Variants in CADPS observed in about 807,000 individuals in gnomAD.
The protein encoded by CADPS is calcium-dependent secretion activator 1.
Under a neutral mutation model 167.3 loss-of-function variants are expected in CADPS, and 57 were observed. The observed-to-expected ratio is 0.34, with a 90% CI of 0.28 to 0.42. The LOEUF (loss-of-function observed/expected upper bound fraction) is 0.42, where lower values mean the gene tolerates loss of function less well. Ranked by LOEUF, CADPS falls within the 20% of genes least tolerant of loss-of-function variation. The probability of loss-of-function intolerance (pLI) is 1.00; values close to 1 mark genes in which losing one functional copy is unlikely to be tolerated. For missense variants in CADPS, 1,414 were observed against 1,738.1 expected (o/e 0.81, Z 3.32); for synonymous variants, 676 against 635.3 (o/e 1.06, Z -0.96).
intron 1 of CADPS, among the ~76,000 whole-genome samples, chr3:62,767,070 T>C (rs2087075703): frequency 6.6e-6 from 1 of 152,178 alleles, no homozygotes. Flanking sequence ...CTAATTTATA[T>C]AAAATATGTA....
intron 8 of CADPS, among the ~76,000 whole-genome samples, chr3:62,577,750 C>T (rs80256969): frequency 0.027 from 4,151 of 152,240 alleles, 101 homozygotes; most frequent in South Asian, 0.048. Flanking sequence ...TTCTGCTTTA[C>T]GTTGAGCAAA....
chr3:62,728,874 C>G (rs2077225829), intron 3 of CADPS, among the ~76,000 whole-genome samples: 1 of 151,850 alleles, frequency 6.6e-6, no homozygotes, highest in African/African-American at 2.4e-5. Context: ...CTTGTGTCCA[C>G]TAGGGTGGAT....
chr3:62,568,695 T>C (rs556954410), intron 9 of CADPS, among the ~76,000 whole-genome samples: 313 of 152,320 alleles, frequency 2.1e-3, no homozygotes, highest in Non-Finnish European at 3.6e-3. Context: ...TGTAATCATG[T>C]GAGCCAGTTC....
At chr3:62,571,950 C>T (rs908100131) in intron 8 of CADPS, among the ~76,000 whole-genome samples, 6 of 152,110 alleles carry the variant, frequency 3.9e-5, no homozygotes, top group Non-Finnish European at 8.8e-5. Flanking sequence ...TCTAGGAATC[C>T]AGGCCTGGCA....
In CADPS at chr3:62,761,359, AAAAAC is replaced by A. The variant is rs373621242; in HGVS notation, c.555+4507_555+4511del. Among the ~76,000 whole-genome samples the A allele has an allele frequency of 3.3e-3, 496 of 152,144 alleles. 5 individuals carry two copies. The South Asian group carries it at 0.034, about 10-fold the overall frequency. Reference sequence around the variant, plus strand: ...ACAAAAATGAACTAGGCATTTATTAAAAAACAAAACCAAAACAATACAAACAAACA... The same window carrying A: ...ACAAAAATGAACTAGGCATTTATTAAAAAACCAAAACAATACAAACAAACA... On this transcript the variant is annotated intron_variant, in intron 2 of 29. Coordinates refer to ENST00000383710, the MANE Select transcript of CADPS (RefSeq NM_003716.4).
chr3:62,551,499 C>A (rs1009743040), intron 10 of CADPS, among the ~76,000 whole-genome samples: 1 of 152,200 alleles, frequency 6.6e-6, no homozygotes, highest in Non-Finnish European at 1.5e-5. Context: ...TTGATGCTCA[C>A]AAGGCAGCCA....
At chr3:62,768,982 C>T (rs535256340) in intron 1 of CADPS, among the ~76,000 whole-genome samples, 2 of 152,252 alleles carry the variant, frequency 1.3e-5, no homozygotes, top group South Asian at 2.1e-4. Flanking sequence ...TACTGGTTTA[C>T]AATTCACTAC....
chr3:62,557,264 G>A, intron 10 of CADPS, 141 bp downstream of exon 10: 1 of 636,874 alleles, frequency 1.6e-6, no homozygotes, highest in East Asian at 2.6e-5. Context: ...CAGGGATTGT[G>A]ACTGTCATGC....
chr3:62,829,564 C>T (rs1211896303), intron 1 of CADPS, among the ~76,000 whole-genome samples: 2 of 152,086 alleles, frequency 1.3e-5, no homozygotes, highest in Non-Finnish European at 2.9e-5. Context: ...CAACGCACAG[C>T]ATTTGTCTAC....
intron 3 of CADPS, among the ~76,000 whole-genome samples, chr3:62,732,481 G>A (rs1250166692): frequency 6.6e-6 from 1 of 152,164 alleles, no homozygotes; most frequent in Non-Finnish European, 1.5e-5. Context: ...GAGAGACCCT[G>A]AAGAAGTGGA....
At chr3:62,723,794 G>A (rs531307509) in intron 3 of CADPS, among the ~76,000 whole-genome samples, 36 of 152,340 alleles carry the variant, frequency 2.4e-4, no homozygotes, top group African/African-American at 8.7e-4. Context: ...CTCCCTGCAC[G>A]CTGACACTTT....
At chr3:62,611,934 G>T (rs2061560384) in intron 6 of CADPS, among the ~76,000 whole-genome samples, 1 of 152,070 alleles carries the variant, frequency 6.6e-6, no homozygotes, top group South Asian at 2.1e-4. Flanking sequence ...GTTTTTGTTT[G>T]CTTATTGCCT....
At chr3:62,802,904 A>G (rs1205454159) in intron 1 of CADPS, among the ~76,000 whole-genome samples, 3 of 152,114 alleles carry the variant, frequency 2.0e-5, no homozygotes, top group Non-Finnish European at 2.9e-5. Context: ...TGTGTCCCCA[A>G]ATAGGTCATT....
intron 3 of CADPS, among the ~76,000 whole-genome samples, chr3:62,679,808 G>A (rs978187017): frequency 1.3e-5 from 2 of 152,110 alleles, no homozygotes; most frequent in Admixed American, 6.5e-5. Context: ...TTTTGAAAGC[G>A]ACTGGAAAGC....
intron 9 of CADPS, among the ~76,000 whole-genome samples, chr3:62,561,443 G>A (rs1286076958): frequency 6.7e-6 from 1 of 149,574 alleles, no homozygotes; most frequent in African/African-American, 2.5e-5. Context: ...TAATTTTTTG[G>A]TAGAGATGGT....
chr3:62,721,604 A>G (rs763057525), intron 3 of CADPS, among the ~76,000 whole-genome samples: 2 of 152,194 alleles, frequency 1.3e-5, no homozygotes, highest in Non-Finnish European at 2.9e-5. Context: ...CAACATTGTC[A>G]GTATCTAGTT....
At chr3:62,406,747 G>A (rs779826439) in intron 28 of CADPS, among the ~76,000 whole-genome samples, 2 of 152,200 alleles carry the variant, frequency 1.3e-5, no homozygotes, top group South Asian at 4.1e-4. Flanking sequence ...TTCTGTGAAG[G>A]TTTTGAACTT....
intron 6 of CADPS, among the ~76,000 whole-genome samples, chr3:62,597,278 T>G (rs1048272997): frequency 6.6e-6 from 1 of 152,148 alleles, no homozygotes; most frequent in Non-Finnish European, 1.5e-5. Flanking sequence ...GCCCAGGACT[T>G]TGAGGTTACT....
At chr3:62,757,124 C>T (rs1313830024) in intron 2 of CADPS, among the ~76,000 whole-genome samples, 1 of 152,104 alleles carries the variant, frequency 6.6e-6, no homozygotes. Flanking sequence ...AGTGGGGACA[C>T]TAAGGGGTTA....
Sources: gnomAD v4.1 joint callset for allele counts (sites outside exome capture counted in the v4.1 genomes callset) on GRCh38, gnomAD v4.1.1 for gene constraint, MANE v1.5 for transcripts, NCBI Gene and HGNC (gene_info 2026-07-23, HGNC 2026-07-21) for gene names.